Variants in OSBPL10 observed in about 807,000 individuals in gnomAD.
OSBPL10 encodes the protein oxysterol-binding protein-related protein 10.
In OSBPL10, 49 loss-of-function variants were observed where a neutral mutation model predicts 81.7. The observed-to-expected ratio is 0.60, with a 90% CI of 0.48 to 0.76. OSBPL10 has a LOEUF of 0.76. Ranked by LOEUF, OSBPL10 falls within the 30% of genes least tolerant of loss-of-function variation. The pLI, the probability that OSBPL10 is intolerant of heterozygous loss-of-function variation, is 0.00. For missense variants in OSBPL10, 923 were observed against 987.8 expected (o/e 0.93, Z 0.88); for synonymous variants, 419 against 383.6 (o/e 1.09, Z -1.08).
intron 7 of OSBPL10, among the ~76,000 whole-genome samples, chr3:31,700,121 T>C (rs1437182834): frequency 6.9e-6 from 1 of 145,342 alleles, no homozygotes; most frequent in East Asian, 2.0e-4. Context: ...CCTTTGGTTT[T>C]TGAATGACAG....
At chr3:31,815,681 T>C (rs1699818453) in intron 4 of OSBPL10, among the ~76,000 whole-genome samples, 1 of 152,138 alleles carries the variant, frequency 6.6e-6, no homozygotes, top group Non-Finnish European at 1.5e-5. Flanking sequence ...ATCTCTGTTG[T>C]AGCTTGAAAT....
At chr3:31,846,994 C>T (rs1418382235) in intron 3 of OSBPL10, among the ~76,000 whole-genome samples, 1 of 152,106 alleles carries the variant, frequency 6.6e-6, no homozygotes, top group Non-Finnish European at 1.5e-5. Flanking sequence ...CTTCAATTGT[C>T]ACCTCTTCTC....
chr3:32,002,894 C>T (rs1049764767), intron 2 of OSBPL10, among the ~76,000 whole-genome samples: 16 of 151,162 alleles, frequency 1.1e-4, no homozygotes, highest in Middle Eastern at 3.4e-3. Context: ...TTTTTACTTT[C>T]TCTTGTCTCA....
intron 2 of OSBPL10, among the ~76,000 whole-genome samples, chr3:31,998,677 A>G (rs1699115102): frequency 1.3e-5 from 2 of 152,164 alleles, no homozygotes; most frequent in Non-Finnish European, 2.9e-5. Context: ...GTTCTTGCCA[A>G]TTGGCTATCC....
intron 2 of OSBPL10, among the ~76,000 whole-genome samples, chr3:32,012,000 C>T (rs1006009125): frequency 6.6e-6 from 1 of 152,176 alleles, no homozygotes; most frequent in Non-Finnish European, 1.5e-5. Flanking sequence ...GAGAATGCAA[C>T]AAAGTTGGAA....
At chr3:31,842,053 A>G (rs1190581361) in intron 3 of OSBPL10, among the ~76,000 whole-genome samples, 1 of 152,258 alleles carries the variant, frequency 6.6e-6, no homozygotes, top group African/African-American at 2.4e-5. Context: ...CAGGTAATAC[A>G]TAATAGATAT....
At chr3:31,767,382 G>A (rs916302102) in intron 4 of OSBPL10, among the ~76,000 whole-genome samples, 5 of 152,134 alleles carry the variant, frequency 3.3e-5, no homozygotes, top group East Asian at 1.9e-4. Flanking sequence ...TCTCACAAAC[G>A]GTGGCTTTGT....
intron 1 of OSBPL10, among the ~76,000 whole-genome samples, chr3:31,938,829 C>T (rs1033494432): frequency 6.6e-6 from 1 of 152,154 alleles, no homozygotes; most frequent in Non-Finnish European, 1.5e-5. Flanking sequence ...TTTGCCCAAG[C>T]CTCAGGGTCC....
At chr3:31,979,721 A>C (rs551070781) in intron 1 of OSBPL10, among the ~76,000 whole-genome samples, 17 of 151,652 alleles carry the variant, frequency 1.1e-4, no homozygotes, top group Admixed American at 3.3e-4. Context: ...GAAAAAAAAA[A>C]CAAAAACAAA....
chr3:31,897,811 C>G (rs1696099726), intron 1 of OSBPL10, among the ~76,000 whole-genome samples: 1 of 151,634 alleles, frequency 6.6e-6, no homozygotes, highest in Admixed American at 6.6e-5. Flanking sequence ...AGTTCGAGAC[C>G]AGCCTGGCCA....
intron 1 of OSBPL10, among the ~76,000 whole-genome samples, chr3:31,889,389 G>A (rs1343651367): frequency 6.6e-6 from 1 of 152,156 alleles, no homozygotes; most frequent in Non-Finnish European, 1.5e-5. Context: ...CCAAGATGTG[G>A]AATCAAGCTG....
At chr3:31,697,004 A>G (rs1217328463) in intron 7 of OSBPL10, among the ~76,000 whole-genome samples, 4 of 152,220 alleles carry the variant, frequency 2.6e-5, no homozygotes, top group African/African-American at 9.6e-5. Flanking sequence ...AATCTGTTAC[A>G]CTGATGACTT....
intron 1 of OSBPL10, among the ~76,000 whole-genome samples, chr3:31,883,543 T>TTG (rs1205074026): frequency 1.4e-3 from 36 of 25,814 alleles, no homozygotes; most frequent in East Asian, 8.9e-3. Flanking sequence ...TTTTTTGTTG[T>TTG]TTTTTTTTTT....
intron 4 of OSBPL10, among the ~76,000 whole-genome samples, chr3:31,785,779 T>C (rs955966062): frequency 6.6e-5 from 10 of 152,186 alleles, no homozygotes; most frequent in East Asian, 3.8e-4. Flanking sequence ...TTCCTGGTCA[T>C]TGACAGACAA....
At chr3:31,732,227 CA>C (rs1392344343) in intron 6 of OSBPL10, among the ~76,000 whole-genome samples, 1 of 152,214 alleles carries the variant, frequency 6.6e-6, no homozygotes, top group Non-Finnish European at 1.5e-5. Context: ...ATTCACTTCA[CA>C]CCCTTCTAAC....
At chr3:31,927,847 T>C (rs1697119971) in intron 1 of OSBPL10, among the ~76,000 whole-genome samples, 1 of 152,206 alleles carries the variant, frequency 6.6e-6, no homozygotes, top group Non-Finnish European at 1.5e-5. Context: ...GCACAGAGTC[T>C]GTAGCCCGTG....
intron 2 of OSBPL10, among the ~76,000 whole-genome samples, chr3:32,030,885 G>T (rs970921432): frequency 1.3e-5 from 2 of 152,076 alleles, no homozygotes; most frequent in South Asian, 2.1e-4. Context: ...AATTGAGGAG[G>T]CCGGGCGCGG....
In OSBPL10 at chr3:31,833,737, A is replaced by ACACTCT. The variant is rs1491340793; in HGVS notation, c.538-3507_538-3506insAGAGTG. 3.2e-3 allele frequency among the ~76,000 whole-genome samples: 445 copies of ACACTCT among 139,914 alleles called. 2 individuals are homozygous for ACACTCT. The highest frequency in any genetic ancestry group is 0.012 in the African/African-American group (429 of 36,272). 91.8% of individuals were successfully genotyped at this position (139,914 alleles called of 152,430 possible). A position where few individuals can be genotyped will look rare whatever the true frequency, so the allele number is the denominator to read the frequency against. On this transcript the variant is annotated intron_variant, in intron 3 of 11. Transcript: ENST00000396556. The stretch of plus-strand genomic sequence containing the variant: ...CACACACACACACACACACACACAC[A>ACACTCT]CTCTCTCTCTCTTCTAATTCTGAGT...
At chr3:31,686,526 A>G (rs1700796592) in intron 7 of OSBPL10, among the ~76,000 whole-genome samples, 1 of 152,214 alleles carries the variant, frequency 6.6e-6, no homozygotes, top group Non-Finnish European at 1.5e-5. Context: ...AAATGTTAAC[A>G]TATCTGTCCG....
Sources: gnomAD v4.1 joint callset for allele counts (sites outside exome capture counted in the v4.1 genomes callset) on GRCh38, gnomAD v4.1.1 for gene constraint, MANE v1.5 for transcripts, NCBI Gene and HGNC (gene_info 2026-07-23, HGNC 2026-07-21) for gene names.